DCC: variants seen among roughly 807,000 people sequenced by gnomAD.
The protein encoded by DCC is netrin receptor DCC.
DCC carries 58 observed loss-of-function variants against 172.5 expected under a neutral mutation model. The ratio of observed to expected loss-of-function variants is 0.34; its 90% CI spans 0.27 to 0.42. The LOEUF (loss-of-function observed/expected upper bound fraction) is 0.42. Ranked by LOEUF, DCC falls within the 10% of genes least tolerant of loss-of-function variation. DCC has a pLI of 1.00. For missense variants in DCC, 1,740 were observed against 1,791.0 expected, an observed-to-expected ratio of 0.97 and a Z score of 0.51; for synonymous variants, 709 against 644.5, an observed-to-expected ratio of 1.10 and a Z score of -1.52.
At chr18:52,362,622 T>C (rs1225691150) in intron 1 of DCC, among the ~76,000 whole-genome samples, 1 of 152,182 alleles carries the variant, frequency 6.6e-6, no homozygotes, top group East Asian at 1.9e-4. Flanking sequence ...TGAGTTTCTG[T>C]TTTGGGTTAT....
chr18:52,945,109 C>T (rs1334064387), intron 5 of DCC, among the ~76,000 whole-genome samples: 4 of 152,120 alleles, frequency 2.6e-5, no homozygotes, highest in African/African-American at 7.2e-5. Context: ...GTCACACATT[C>T]CTGCTAGATT....
intron 1 of DCC, among the ~76,000 whole-genome samples, chr18:52,343,472 T>G (rs1983745445): frequency 6.6e-6 from 1 of 152,166 alleles, no homozygotes; most frequent in Non-Finnish European, 1.5e-5. Context: ...TATGAAACTG[T>G]GATGATTTAA....
At chr18:52,823,667 T>C (rs1322065263) in intron 2 of DCC, among the ~76,000 whole-genome samples, 1 of 152,198 alleles carries the variant, frequency 6.6e-6, no homozygotes, top group South Asian at 2.1e-4. Context: ...AATTGTGTTA[T>C]AAGAAAATTC....
intron 19 of DCC, among the ~76,000 whole-genome samples, chr18:53,405,384 T>C (rs889517214): frequency 2.0e-5 from 3 of 152,066 alleles, no homozygotes; most frequent in Non-Finnish European, 4.4e-5. Context: ...TTTAACATCC[T>C]TGAGTCCCAC....
chr18:52,657,847 T>C (rs913894892), intron 1 of DCC, among the ~76,000 whole-genome samples: 1 of 152,216 alleles, frequency 6.6e-6, no homozygotes, highest in Non-Finnish European at 1.5e-5. Flanking sequence ...AATTAGATTA[T>C]ATTGGCTATA....
intron 1 of DCC, among the ~76,000 whole-genome samples, chr18:52,555,657 G>C (rs958399025): frequency 6.8e-4 from 103 of 152,124 alleles, no homozygotes; most frequent in African/African-American, 2.4e-3. Context: ...GAAGGACTCA[G>C]GTTTGCTTTT....
chr18:53,478,887 A>G (rs2045799375), intron 25 of DCC, among the ~76,000 whole-genome samples: 2 of 152,188 alleles, frequency 1.3e-5, no homozygotes, highest in Admixed American at 1.3e-4. Flanking sequence ...TTCTACACAA[A>G]TGGACATTGA....
At chr18:52,649,829 G>A (rs8088367) in intron 1 of DCC, among the ~76,000 whole-genome samples, 21,828 of 152,126 alleles carry the variant, frequency 0.14, 1,807 homozygotes, top group Non-Finnish European at 0.19. Context: ...ATTCACTGAT[G>A]GGCACTTAGG....
intron 5 of DCC, among the ~76,000 whole-genome samples, chr18:53,002,115 C>G (rs886946274): frequency 6.6e-6 from 1 of 152,058 alleles, no homozygotes; most frequent in Non-Finnish European, 1.5e-5. Flanking sequence ...CATCTAGCCA[C>G]ATGTAAATGT....
rs1568294668 is a variant in DCC, at chr18:53,086,147, C to CCTG, written c.1261+19983_1261+19984insGCT. 1.4e-4 allele frequency among the ~76,000 whole-genome samples: 3 copies of CCTG among 21,136 alleles called. 1 individual carries two copies. Among genetic ancestry groups the CCTG allele is most frequent in the Admixed American group, 1.3e-3 (3 of 2,324 alleles). 13.9% of individuals were successfully genotyped at this position (21,136 alleles called of 152,430 possible). A position where few individuals can be genotyped will look rare whatever the true frequency, so the allele number is the denominator to read the frequency against. On this transcript the variant is annotated intron_variant, in intron 7 of 28. Transcript: ENST00000442544. ...TCCTCCTCCTCCTCCTCCTCCTCCT[C>CCTG]CTCCTCTTCCTCTTCTCTTCCTCTT...
At chr18:53,226,178 C>T (rs971843313) in intron 12 of DCC, among the ~76,000 whole-genome samples, 1 of 151,930 alleles carries the variant, frequency 6.6e-6, no homozygotes, top group African/African-American at 2.4e-5. Context: ...GGATAGGGCC[C>T]AATGCTAAGG....
At chr18:52,591,300 T>A (rs1012254686) in intron 1 of DCC, among the ~76,000 whole-genome samples, 1 of 152,184 alleles carries the variant, frequency 6.6e-6, no homozygotes, top group African/African-American at 2.4e-5. Flanking sequence ...TTAAAAATAA[T>A]TTTTATTATA....
rs571339001 is a variant in DCC, at chr18:52,391,592, G to C, written c.91+50714G>C. ...CCTGCTTTGAGCATTGGTTGTCAGT[G>C]AAGGTTATCATCTTGCCATACTCAG... On this transcript the variant is annotated intron_variant, in intron 1 of 28. Transcript: ENST00000442544. Among the ~76,000 whole-genome samples the C allele has an allele frequency of 2.6e-5, 4 of 152,240 alleles. No homozygotes were observed. In the East Asian group the frequency reaches 7.8e-4, roughly 30 times the overall value.
intron 5 of DCC, among the ~76,000 whole-genome samples, chr18:52,929,701 G>A (rs565797631): frequency 9.2e-5 from 14 of 151,892 alleles, no homozygotes; most frequent in Non-Finnish European, 1.8e-4. Context: ...AATAAATGTG[G>A]AGGTATAAAA....
intron 15 of DCC, among the ~76,000 whole-genome samples, chr18:53,342,319 A>C (rs2057668048): frequency 6.6e-6 from 1 of 152,006 alleles, no homozygotes; most frequent in African/African-American, 2.4e-5. Flanking sequence ...AATGACTATT[A>C]AATATTTATA....
chr18:53,117,171 GATCATTTA>G (rs1598818700), intron 7 of DCC, among the ~76,000 whole-genome samples: 1 of 151,732 alleles, frequency 6.6e-6, no homozygotes, highest in East Asian at 1.9e-4. Context: ...GCTTATGTGA[GATCATTTA>G]ATCCATTTCT....
chr18:52,801,663 A>G (rs2037989112), intron 2 of DCC, among the ~76,000 whole-genome samples: 1 of 152,238 alleles, frequency 6.6e-6, no homozygotes, highest in Non-Finnish European at 1.5e-5. Context: ...GAAGGGAAAG[A>G]AGGTTATAAG....
intron 22 of DCC, among the ~76,000 whole-genome samples, chr18:53,449,753 C>G (rs1341445756): frequency 6.6e-6 from 1 of 152,118 alleles, no homozygotes; most frequent in Non-Finnish European, 1.5e-5. Flanking sequence ...TGAGATATAT[C>G]TTATGCGCCA....
chr18:53,414,614 C>G (rs959896831), intron 20 of DCC, among the ~76,000 whole-genome samples: 1 of 151,594 alleles, frequency 6.6e-6, no homozygotes, highest in Admixed American at 6.6e-5. Context: ...TTTAGGAGGC[C>G]GAGGCGGGTG....
Sources: gnomAD v4.1 joint callset for allele counts (sites outside exome capture counted in the v4.1 genomes callset) on GRCh38, gnomAD v4.1.1 for gene constraint, MANE v1.5 for transcripts, NCBI Gene and HGNC (gene_info 2026-07-23, HGNC 2026-07-21) for gene names.